The following CHL1 variants were observed in gnomAD, a reference collection of about 807,000 sequenced individuals.
CHL1 encodes the protein neural cell adhesion molecule L1-like protein.
CHL1 carries 96 observed loss-of-function variants against 141.9 expected under a neutral mutation model. That is an observed-to-expected ratio of 0.68 (90% CI 0.57 to 0.80). CHL1 has a LOEUF of 0.80. Among genes scored for constraint, CHL1 ranks in the 30% least tolerant of loss-of-function variants. The pLI is 0.00. For missense variants in CHL1, 1,820 were observed against 1,457.2 expected (o/e 1.25, Z -4.05); for synonymous variants, 613 against 502.2 (o/e 1.22, Z -2.95).
At chr3:311,993 C>T (rs563287160) in intron 2 of CHL1, among the ~76,000 whole-genome samples, 1 of 152,180 alleles carries the variant, frequency 6.6e-6, no homozygotes, top group East Asian at 1.9e-4. Context: ...GATGTCATTA[C>T]AGTATACTAT....
intron 5 of CHL1, among the ~76,000 whole-genome samples, chr3:333,882 C>A (rs1487067970): frequency 6.6e-6 from 1 of 152,174 alleles, no homozygotes; most frequent in Admixed American, 6.5e-5. Context: ...GATTTCTCCA[C>A]TTAGCATTCC....
intron 2 of CHL1, among the ~76,000 whole-genome samples, chr3:299,631 A>G (rs764492417): frequency 5.3e-5 from 8 of 152,318 alleles, no homozygotes; most frequent in South Asian, 2.1e-4. Context: ...TTAGTTCAGC[A>G]GCTAGTTAGA....
intron 1 of CHL1, among the ~76,000 whole-genome samples, chr3:240,933 T>C (rs1017979254): frequency 2.6e-5 from 4 of 152,234 alleles, no homozygotes; most frequent in African/African-American, 9.6e-5. Context: ...TTCTGGGTTC[T>C]CTATTCTGTT....
At chr3:208,607 C>T (rs779540826) in intron 1 of CHL1, among the ~76,000 whole-genome samples, 10 of 152,142 alleles carry the variant, frequency 6.6e-5, no homozygotes, top group Non-Finnish European at 1.5e-4. Flanking sequence ...GGTTTATTAT[C>T]TTTGAAGATT....
chr3:354,529 C>T (rs1703537364), intron 10 of CHL1, 111 bp from the exon 11 acceptor site: 3 of 1,227,432 alleles, frequency 2.4e-6, no homozygotes, highest in African/African-American at 3.0e-5. Context: ...TACTATGAAA[C>T]CCTTTGTGGT....
intron 11 of CHL1, among the ~76,000 whole-genome samples, chr3:355,752 C>T (rs1018155079): frequency 6.6e-6 from 1 of 151,890 alleles, no homozygotes; most frequent in Non-Finnish European, 1.5e-5. Flanking sequence ...GAGATAGTGG[C>T]GGTTGGTTGT....
At chr3:349,964 A>G (rs1703101768) in intron 10 of CHL1, among the ~76,000 whole-genome samples, 3 of 142,210 alleles carry the variant, frequency 2.1e-5, no homozygotes, top group Non-Finnish European at 3.2e-5. Context: ...TTTGCCATTT[A>G]TTTCACTCTC....
intron 2 of CHL1, among the ~76,000 whole-genome samples, chr3:299,938 A>ACCTCTTCAACAGGAAGTTGTTGGCCG (rs1698571804): frequency 1.3e-5 from 2 of 152,164 alleles, no homozygotes; most frequent in Non-Finnish European, 2.9e-5. Flanking sequence ...AGCTCCTGGC[A>ACCTCTTCAACAGGAAGTTGTTGGCCG]CCTCTTCAAC....
intron 14 of CHL1, among the ~76,000 whole-genome samples, chr3:364,508 G>T (rs1413713420): frequency 6.6e-6 from 1 of 152,274 alleles, no homozygotes; most frequent in South Asian, 2.1e-4. Context: ...ACAGTGCTTG[G>T]CCCAAAATGG....
At chr3:242,562 C>A (rs374770366) in intron 1 of CHL1, among the ~76,000 whole-genome samples, 1 of 151,844 alleles carries the variant, frequency 6.6e-6, no homozygotes, top group Non-Finnish European at 1.5e-5. Flanking sequence ...TGCCACTGCA[C>A]TCCAGCCTGG....
At chr3:288,945 TG>T (rs1473170472) in intron 2 of CHL1, among the ~76,000 whole-genome samples, 96 of 152,364 alleles carry the variant, frequency 6.3e-4, no homozygotes, top group Middle Eastern at 3.4e-3. Context: ...CCTTTGGTTT[TG>T]TGAGCTTCTT....
In CHL1 at chr3:358,803, GTA is replaced by G. The variant is rs1170514683; in HGVS notation, c.1166-1478_1166-1477del. ...CATGTTTTCTAGAACCTAAAGCTTA[GTA>G]TAGTCATTATCTCGTATAATGGAGA... is the stretch of plus-strand genomic sequence containing the variant. On this transcript the variant is annotated intron_variant, in intron 11 of 27. Transcript: ENST00000256509. Among the ~76,000 whole-genome samples, 8 of 151,858 alleles carry G rather than the reference GTA, an allele frequency of 5.3e-5. No individual in the cohort carries two copies. The East Asian group carries it at 9.7e-4, about 18-fold the overall frequency.
chr3:299,106 G>C (rs921531876), intron 2 of CHL1, among the ~76,000 whole-genome samples: 1 of 152,132 alleles, frequency 6.6e-6, no homozygotes, highest in East Asian at 1.9e-4. Flanking sequence ...ATTATCTGAC[G>C]TGAAATGAAA....
intron 2 of CHL1, chr3:248,602 G>A (rs1693398340): frequency 6.6e-6 from 1 of 152,042 alleles, no homozygotes. Context: ...ACTTCCAAAA[G>A]TTTCCTCTGT....
chr3:384,551 T>C (rs1707439750), intron 19 of CHL1: 1 of 152,182 alleles, frequency 6.6e-6, no homozygotes, highest in South Asian at 2.1e-4. Context: ...TGCATAAAAA[T>C]GCCCATCTAC....
At chr3:322,353 T>C (rs570623506) in intron 3 of CHL1, among the ~76,000 whole-genome samples, 2 of 152,044 alleles carry the variant, frequency 1.3e-5, no homozygotes, top group Non-Finnish European at 2.9e-5. Context: ...AGGCATTTAG[T>C]TTTTATTCTA....
intron 26 of CHL1, among the ~76,000 whole-genome samples, chr3:400,586 CTT>C (rs11374109): frequency 1.4e-5 from 2 of 139,544 alleles, no homozygotes; most frequent in African/African-American, 5.5e-5. Flanking sequence ...TATTTGAGGG[CTT>C]TTTTTTTTTT....
At chr3:359,754 T>C (rs1704042054) in intron 11 of CHL1, among the ~76,000 whole-genome samples, 1 of 152,230 alleles carries the variant, frequency 6.6e-6, no homozygotes, top group African/African-American at 2.4e-5. Context: ...ACAAGCAATG[T>C]ACATGAAGTG....
chr3:241,919 A>G (rs1212338599), intron 1 of CHL1, among the ~76,000 whole-genome samples: 1 of 152,178 alleles, frequency 6.6e-6, no homozygotes, highest in African/African-American at 2.4e-5. Context: ...GGGAAAGGGT[A>G]AATGCTTTCT....
Sources: allele counts gnomAD v4.1 joint callset (sites outside exome capture counted in the v4.1 genomes callset), GRCh38; gene constraint gnomAD v4.1.1; transcripts MANE v1.5; gene names NCBI Gene and HGNC (gene_info 2026-07-23, HGNC 2026-07-21).